CEP250: variants seen among roughly 807,000 people sequenced by gnomAD.
CEP250 encodes the protein centrosomal protein 250.
CEP250 carries 242 observed loss-of-function variants against 315.7 expected under a neutral mutation model. The observed-to-expected ratio is 0.77, with a 90% CI of 0.69 to 0.85. The LOEUF (loss-of-function observed/expected upper bound fraction) is 0.85. Ranked by LOEUF, CEP250 falls within the 40% of genes least tolerant of loss-of-function variation. CEP250 has a pLI of 0.00. For synonymous variants in CEP250, 1,088 were observed against 1,175.0 expected (o/e 0.93, Z 1.51); for missense variants, 2,515 against 2,886.4 (o/e 0.87, Z 2.95).
rs549686588 is a variant in CEP250 at position 35,475,435 on chromosome 20, C to G, written c.1572-67C>G. 373 of 1,488,134 alleles carry G rather than the reference C, an allele frequency of 2.5e-4. 2 individuals are homozygous for G. The highest frequency in any genetic ancestry group is 2.2e-3 in the Middle Eastern group (12 of 5,510). The allele number at this position is 1,488,134 out of a possible 1,614,324, so 92.2% of individuals were successfully genotyped here. ...GTTGCATAGCAAAGGTGATTATATTCCTGTTACCTTTGGGGTTATGGCCCA... is the reference window on the plus strand; with the variant it reads ...GTTGCATAGCAAAGGTGATTATATTGCTGTTACCTTTGGGGTTATGGCCCA... On this transcript the variant is annotated intron_variant, in intron 14 of 34. Coordinates refer to ENST00000397527, the MANE Select transcript of CEP250 (RefSeq NM_007186.6).
Position 35,508,162 on chromosome 20 carries a change from A to T in CEP250, c.6878A>T (p.Asn2293Ile). ...EIDRSRLQRH[N>I]VQLRSTLEQV... ...GACAGGAGCAGGCTGCAGCGCCACA[A>T]TGTCCAGCTGCGGAGTACCTTGGAG... The change falls in exon 32 of 35, where the codon AAT becomes ATT. Residue 2293 changes from asparagine (N) to isoleucine (I), a missense_variant. Transcript: ENST00000397527. 6.2e-7 allele frequency: 1 copy of T among 1,613,982 alleles called. No homozygotes were observed. The highest frequency in any genetic ancestry group is 8.5e-7 in the Non-Finnish European group (1 of 1,179,970).
rs61745969 is a variant in CEP250, at chr20:35,508,987, G to A, written c.6951G>A (p.Ala2317=). 2.6e-3 allele frequency: 4,008 copies of A among 1,558,386 alleles called. 87 individuals are homozygous for A. The African/African-American group carries it at 0.046, about 18-fold the overall frequency. The change falls in exon 33 of 35, where the codon GCG becomes GCA. Residue 2317 remains alanine (A), a synonymous_variant. Transcript: ENST00000397527. ...AGCTGAAGAGGGAGGCCATGCGTGC[G>A]GCCCAGGCAGGGTCCCTAGAGATCA... ...RRKLKREAMR[A]AQAGSLEISK...
At chr20:35,481,494 A>G (rs969864393) in intron 20 of CEP250, among the ~76,000 whole-genome samples, 1 of 152,202 alleles carries the variant, frequency 6.6e-6, no homozygotes, top group African/African-American at 2.4e-5. Context: ...TTCAGTTCTA[A>G]CTAGTTTAAC....
chr20:35,476,789 C>CCTG, intron 16 of CEP250, 194 bp downstream of exon 16: 1 of 500,566 alleles, frequency 2.0e-6, no homozygotes, highest in Admixed American at 3.3e-5. Context: ...CACCTCTGGA[C>CCTG]TTCAGGGTAA....
In CEP250 at chr20:35,511,897, C is replaced by G; in HGVS notation, c.*271C>G. The G allele has an allele frequency of 8.0e-7, 1 of 1,252,084 alleles. No individual in the cohort carries two copies. Among genetic ancestry groups the G allele is most frequent in the Non-Finnish European group, 1.0e-6 (1 of 998,006 alleles). 77.6% of individuals were successfully genotyped at this position (1,252,084 alleles called of 1,614,324 possible). On this transcript the variant is annotated 3_prime_UTR_variant, in exon 35 of 35. Coordinates refer to ENST00000397527, the MANE Select transcript of CEP250 (RefSeq NM_007186.6). ...CTGAGGGACATGTACTGCCTCTCAT[C>G]TAGAATTTATTTTCCTAGCACTTCA...
intron 9 of CEP250, 128 bp from the exon 10 acceptor site, chr20:35,469,754 GGGGGTGCC>G: frequency 5.6e-6 from 3 of 538,784 alleles, no homozygotes; most frequent in East Asian, 3.0e-5. Flanking sequence ...CAGACGGGCT[GGGGGTGCC>G]TAAGGGATTT....
chr20:35,479,629 AT>A lies in CEP250; in HGVS notation c.2289-15del, dbSNP rs766236201. ...GCTTGATGGGTAAGAAACTCTTCTG[AT>A]TCCTGAACCTCACAGCTCAGCCAAG... On this transcript the variant is annotated splice_polypyrimidine_tract_variant and intron_variant, in intron 18 of 34. Transcript: ENST00000397527. 1.4e-4 allele frequency: 220 copies of A among 1,613,512 alleles called. No homozygotes were observed. The highest frequency in any genetic ancestry group is 1.7e-4 in the Non-Finnish European group (199 of 1,179,698).
At chr20:35,488,159 C>T (rs1221868094) in intron 20 of CEP250, among the ~76,000 whole-genome samples, 1 of 152,258 alleles carries the variant, frequency 6.6e-6, no homozygotes. Context: ...TTACTTCCTA[C>T]ACATCACAGA....
intron 34 of CEP250, 48 bp downstream of exon 34, chr20:35,510,102 C>G: frequency 1.3e-6 from 2 of 1,537,008 alleles, no homozygotes; most frequent in Non-Finnish European, 1.8e-6. Context: ...TGCACTCAGG[C>G]CCTTTGTGCA....
chr20:35,477,915 A>G lies in CEP250; in HGVS notation c.1908A>G (p.Ala636=), dbSNP rs2146853261. Residue 636 remains alanine, a synonymous_variant, in exon 17 of 35, where the codon GCA becomes GCG. Transcript: ENST00000397527. ...NQSVCSRMEA[A]EQARNALQVD... Reference sequence around the variant, plus strand: ...CTGTGTGCAGCAGAATGGAGGCCGCAGAGCAGGCGAGAAATGCTTTGCAGG... The same window carrying G: ...CTGTGTGCAGCAGAATGGAGGCCGCGGAGCAGGCGAGAAATGCTTTGCAGG... 1.9e-6 allele frequency: 3 copies of G among 1,602,780 alleles called. No individual in the cohort carries two copies. The highest frequency in any genetic ancestry group is 2.6e-6 in the Non-Finnish European group (3 of 1,174,952).
chr20:35,506,079 C>T (rs996293416), intron 30 of CEP250, among the ~76,000 whole-genome samples: 2 of 151,996 alleles, frequency 1.3e-5, no homozygotes, highest in African/African-American at 4.8e-5. Flanking sequence ...AGAGGTAGGA[C>T]TTGATTGGCT....
At position 35,490,691 on chromosome 20, in the gene CEP250, G is replaced by A. The variant is rs140439099; in HGVS notation, c.2641G>A (p.Glu881Lys). The change falls in exon 21 of 35, where the codon GAA becomes AAA. Residue 881 changes from glutamate (E) to lysine (K), a missense_variant. Transcript: ENST00000397527. ...GCTGGCAAAGGCTCTGGAGAGCTTA[G>A]AAAGGGAAAAAATGGAGCTGGAAAT... is the stretch of plus-strand genomic sequence containing the variant. ...QELAKALESL[E>K]REKMELEMRL... The A allele has an allele frequency of 7.2e-3, 11,559 of 1,613,768 alleles. 56 individuals are homozygous for A. Among genetic ancestry groups the A allele is most frequent in the Non-Finnish European group, 8.6e-3 (10,127 of 1,179,890 alleles).
At chr20:35,465,265 C>T (rs750563880) in intron 5 of CEP250, among the ~76,000 whole-genome samples, 4 of 151,970 alleles carry the variant, frequency 2.6e-5, no homozygotes, top group African/African-American at 4.8e-5. Flanking sequence ...ACTAAAACTA[C>T]AAAAATTATC....
intron 9 of CEP250, 70 bp from the exon 10 acceptor site, chr20:35,469,820 G>T (rs1489888047): frequency 2.0e-5 from 20 of 999,002 alleles, no homozygotes; most frequent in Non-Finnish European, 2.5e-5. Flanking sequence ...TGGGGCTGGG[G>T]TGTGCTGCAT....
chr20:35,489,019 C>G (rs1251120081), intron 20 of CEP250, among the ~76,000 whole-genome samples: 1 of 151,976 alleles, frequency 6.6e-6, no homozygotes, highest in South Asian at 2.1e-4. Context: ...AACCATGTCT[C>G]TACTAAAAAT....
rs111335085 is a variant in CEP250 at position 35,488,433 on chromosome 20, A to T, written c.2587-2204A>T. 1.4e-4 allele frequency among the ~76,000 whole-genome samples: 22 copies of T among 152,272 alleles called. 2 individuals are homozygous for T. The highest frequency in any genetic ancestry group is 5.1e-4 in the African/African-American group (21 of 41,556). On this transcript the variant is annotated intron_variant, in intron 20 of 34. Transcript: ENST00000397527. ...GGGTTTTATAAGGAAGAACAAAGGA[A>T]GACCTCTTTTTTTTCTTTTTATTAT...
chr20:35,498,848 C>A, intron 27 of CEP250, 132 bp downstream of exon 27: 1 of 1,049,958 alleles, frequency 9.5e-7, no homozygotes, highest in Non-Finnish European at 1.3e-6. Flanking sequence ...TATCACTTAC[C>A]ACCTGGCAAC....
At chr20:35,509,323 G>A (rs2064288658) in intron 33 of CEP250, among the ~76,000 whole-genome samples, 1 of 152,192 alleles carries the variant, frequency 6.6e-6, no homozygotes, top group African/African-American at 2.4e-5. Flanking sequence ...CCGGGAGTGG[G>A]GCTCATGGGG....
intron 3 of CEP250, among the ~76,000 whole-genome samples, chr20:35,461,689 C>T (rs559843797): frequency 7.9e-5 from 12 of 152,194 alleles, no homozygotes; most frequent in Admixed American, 2.0e-4. Context: ...CCAGTTTCCT[C>T]ATCTATATAT....
Sources: allele counts gnomAD v4.1 joint callset (sites outside exome capture counted in the v4.1 genomes callset), GRCh38; gene constraint gnomAD v4.1.1; transcripts MANE v1.5; gene names NCBI Gene and HGNC (gene_info 2026-07-23, HGNC 2026-07-21).